SEZ6L: variants seen among roughly 807,000 people sequenced by gnomAD.
SEZ6L encodes the protein seizure related 6 homolog like.
SEZ6L carries 37 observed loss-of-function variants against 106.2 expected under a neutral mutation model. That is an observed-to-expected ratio of 0.35 (90% CI 0.27 to 0.46). SEZ6L has a LOEUF of 0.46. Ranked by LOEUF, SEZ6L falls within the 20% of genes least tolerant of loss-of-function variation. The pLI is 1.00. For missense variants in SEZ6L, 1,172 were observed against 1,332.8 expected (o/e 0.88, Z 1.88); for synonymous variants, 541 against 570.4 (o/e 0.95, Z 0.73).
chr22:26,216,895 C>T (rs1423013336), intron 1 of SEZ6L, among the ~76,000 whole-genome samples: 1 of 152,128 alleles, frequency 6.6e-6, no homozygotes, highest in Admixed American at 6.5e-5. Flanking sequence ...GGTAAAGTCA[C>T]TTGCTTAAGG....
At chr22:26,253,936 A>C (rs575734756) in intron 1 of SEZ6L, 2 of 152,242 alleles carry the variant, frequency 1.3e-5, no homozygotes, top group African/African-American at 4.8e-5. Flanking sequence ...CTGGACGACA[A>C]AACACAAATA....
intron 1 of SEZ6L, among the ~76,000 whole-genome samples, chr22:26,184,389 G>A (rs1321791702): frequency 1.3e-5 from 2 of 152,048 alleles, no homozygotes; most frequent in African/African-American, 2.4e-5. Context: ...ATGCTTCCAC[G>A]GCACCAGGCT....
intron 1 of SEZ6L, among the ~76,000 whole-genome samples, chr22:26,268,310 C>T (rs2080253454): frequency 6.6e-6 from 1 of 152,168 alleles, no homozygotes; most frequent in Non-Finnish European, 1.5e-5. Context: ...AGAATTAGAT[C>T]ACAGGACATT....
chr22:26,298,890 T>C (rs2081373208), intron 4 of SEZ6L, 94 bp from the exon 5 acceptor site: 3 of 1,249,850 alleles, frequency 2.4e-6, no homozygotes, highest in African/African-American at 3.1e-5. Context: ...CCTCATCTTC[T>C]CTCCCCAGCA....
At chr22:26,295,819 C>T (rs941243796) in intron 3 of SEZ6L, among the ~76,000 whole-genome samples, 5 of 152,108 alleles carry the variant, frequency 3.3e-5, no homozygotes, top group African/African-American at 1.2e-4. Context: ...CGTAGGATGC[C>T]ATTTAGTAGG....
intron 11 of SEZ6L, 48 bp from the exon 12 acceptor site, chr22:26,351,004 G>A (rs750113555): frequency 6.5e-7 from 1 of 1,547,998 alleles, no homozygotes; most frequent in South Asian, 1.2e-5. Context: ...CAAACCCATG[G>A]TCATCCAGAG....
chr22:26,235,916 T>C (rs1289230880), intron 1 of SEZ6L, among the ~76,000 whole-genome samples: 1 of 152,198 alleles, frequency 6.6e-6, no homozygotes, highest in Admixed American at 6.5e-5. Context: ...GGCTGCAAAG[T>C]GACAGAGAAG....
At chr22:26,219,804 G>A (rs1209558924) in intron 1 of SEZ6L, among the ~76,000 whole-genome samples, 1 of 152,142 alleles carries the variant, frequency 6.6e-6, no homozygotes, top group Admixed American at 6.5e-5. Context: ...GTTGAGGGAG[G>A]TAGGGGAGGG....
chr22:26,227,552 G>A (rs2078669935), intron 1 of SEZ6L, among the ~76,000 whole-genome samples: 1 of 151,984 alleles, frequency 6.6e-6, no homozygotes, highest in Non-Finnish European at 1.5e-5. Flanking sequence ...GGGGGCTACA[G>A]GCATACGCCA....
At chr22:26,192,505 A>G (rs1426023707) in intron 1 of SEZ6L, among the ~76,000 whole-genome samples, 1 of 152,254 alleles carries the variant, frequency 6.6e-6, no homozygotes, top group African/African-American at 2.4e-5. Flanking sequence ...TGAGACTCTA[A>G]CTCATCAACT....
chr22:26,296,129 C>T (rs2081293282), intron 3 of SEZ6L, among the ~76,000 whole-genome samples: 1 of 152,182 alleles, frequency 6.6e-6, no homozygotes, highest in Non-Finnish European at 1.5e-5. Flanking sequence ...CTTACACACA[C>T]ACGCGCACAT....
At chr22:26,315,795 C>T (rs1186867920) in intron 9 of SEZ6L, among the ~76,000 whole-genome samples, 5 of 152,056 alleles carry the variant, frequency 3.3e-5, no homozygotes, top group African/African-American at 1.2e-4. Flanking sequence ...CGGTAGCTCA[C>T]ACCTGTAATC....
Position 26,243,662 on chromosome 22 carries a change from C to T in SEZ6L, c.95-48744C>T, listed in dbSNP as rs949777145. On this transcript the variant is annotated intron_variant, in intron 1 of 16. Coordinates refer to ENST00000248933, the MANE Select transcript of SEZ6L (RefSeq NM_021115.5). ...CATGGAGCGACCTTATTGTGGTTTA[C>T]GTTTTATAAGGATCACTCTAGCTGA... Among the ~76,000 whole-genome samples the T allele has an allele frequency of 7.2e-5, 11 of 152,206 alleles. No homozygotes were observed. The East Asian group carries it at 7.7e-4, about 11-fold the overall frequency.
chr22:26,228,401 C>T (rs1299635011), intron 1 of SEZ6L, among the ~76,000 whole-genome samples: 2 of 152,160 alleles, frequency 1.3e-5, no homozygotes, highest in African/African-American at 4.8e-5. Context: ...CTACAATCCA[C>T]ACCCTGCCCC....
At chr22:26,183,900 TA>T (rs1313414109) in intron 1 of SEZ6L, among the ~76,000 whole-genome samples, 1 of 152,162 alleles carries the variant, frequency 6.6e-6, no homozygotes, top group Non-Finnish European at 1.5e-5. Context: ...TAAGTAATAA[TA>T]AAAATAAATA....
chr22:26,232,426 G>A (rs145681649), intron 1 of SEZ6L, among the ~76,000 whole-genome samples: 6 of 148,822 alleles, frequency 4.0e-5, no homozygotes, highest in Non-Finnish European at 8.9e-5. Flanking sequence ...ACAGACAGAC[G>A]TGTATTCAAA....
At chr22:26,316,053 A>C (rs1176732777) in intron 9 of SEZ6L, among the ~76,000 whole-genome samples, 1 of 148,526 alleles carries the variant, frequency 6.7e-6, no homozygotes, top group Non-Finnish European at 1.5e-5. Flanking sequence ...ACTCTGTCTC[A>C]AAAAAAAATA....
At position 26,292,626 on chromosome 22, in the gene SEZ6L, G is replaced by A. The variant is rs765413636; in HGVS notation, c.315G>A (p.Glu105=). ...DIPALSPLLP[E]EARPKHALPP... ...CAGCCCTGTCACCGCTGCTTCCAGA[G>A]GAGGCCCGCCCCAAGCACGCCTTGC... Residue 105 remains glutamate, a synonymous_variant, in exon 2 of 17, where the codon GAG becomes GAA. Coordinates refer to ENST00000248933, the MANE Select transcript of SEZ6L (RefSeq NM_021115.5). The A allele has an allele frequency of 7.4e-6, 12 of 1,613,200 alleles. No homozygotes were observed. Among genetic ancestry groups the A allele is most frequent in the African/African-American group, 4.0e-5 (3 of 75,040 alleles).
chr22:26,305,896 C>T (rs2081614161), intron 5 of SEZ6L, 83 bp from the exon 6 acceptor site: 2 of 1,379,434 alleles, frequency 1.4e-6, no homozygotes, highest in Non-Finnish European at 2.0e-6. Flanking sequence ...CCTTCTCTCT[C>T]TCTCTCTCTT....
Sources: allele counts gnomAD v4.1 joint callset (sites outside exome capture counted in the v4.1 genomes callset), GRCh38; gene constraint gnomAD v4.1.1; transcripts MANE v1.5; gene names NCBI Gene and HGNC (gene_info 2026-07-23, HGNC 2026-07-21).